Variants in ATP10B observed in about 807,000 individuals in gnomAD.
ATP10B encodes the protein ATPase phospholipid transporting 10B (putative).
In ATP10B, 122 loss-of-function variants were observed where a neutral mutation model predicts 141.2. That is an observed-to-expected ratio of 0.86 (90% CI 0.75 to 1.00). The LOEUF is 1.00. ATP10B is among the 50% of genes least tolerant of loss of function. The pLI is 0.00. For missense variants in ATP10B, 1,876 were observed against 1,825.3 expected (o/e 1.03, Z -0.51); for synonymous variants, 685 against 692.0 (o/e 0.99, Z 0.16).
chr5:160,792,671 C>G (rs995581620), intron 1 of ATP10B, among the ~76,000 whole-genome samples: 2 of 152,096 alleles, frequency 1.3e-5, no homozygotes, highest in African/African-American at 4.8e-5. Context: ...CTGCTGCTGT[C>G]TACTTGCCCT....
chr5:160,893,268 A>G, the ATP10B span, among the ~76,000 whole-genome samples: 2 of 152,240 alleles, frequency 1.3e-5, no homozygotes, highest in Admixed American at 1.3e-4. Flanking sequence ...TCCCACCCCT[A>G]CAGAGCCAAA....
At chr5:160,798,451 C>T (rs1772116372) in intron 1 of ATP10B, among the ~76,000 whole-genome samples, 1 of 152,106 alleles carries the variant, frequency 6.6e-6, no homozygotes, top group African/African-American at 2.4e-5. Flanking sequence ...AAGACAGAGA[C>T]AGACAGGGAA....
At chr5:160,766,314 CCAAT>C (rs1311188039) in intron 2 of ATP10B, among the ~76,000 whole-genome samples, 12 of 147,918 alleles carry the variant, frequency 8.1e-5, no homozygotes, top group Non-Finnish European at 1.3e-4. Context: ...TAAATGTCCA[CCAAT>C]CAATGAGTGG....
chr5:160,725,503 T>C (rs1232139814), intron 2 of ATP10B, among the ~76,000 whole-genome samples: 1 of 152,030 alleles, frequency 6.6e-6, no homozygotes, highest in East Asian at 1.9e-4. Flanking sequence ...TGGAGTGCAG[T>C]GGTGCGATCT....
chr5:160,653,199 TTATATAC>T (rs1761041890), intron 7 of ATP10B, among the ~76,000 whole-genome samples: 1 of 134,876 alleles, frequency 7.4e-6, no homozygotes, highest in Non-Finnish European at 1.5e-5. Flanking sequence ...ATACAATATA[TTATATAC>T]TATATATCAT....
chr5:160,581,820 A>C (rs1480351971), intron 24 of ATP10B, among the ~76,000 whole-genome samples: 2 of 152,174 alleles, frequency 1.3e-5, no homozygotes, highest in East Asian at 3.8e-4. Context: ...TTGATTTATG[A>C]ATCTGGGTGC....
At chr5:160,658,556 C>A (rs934501545) in intron 7 of ATP10B, among the ~76,000 whole-genome samples, 1 of 152,148 alleles carries the variant, frequency 6.6e-6, no homozygotes, top group African/African-American at 2.4e-5. Context: ...GTGGAGGATG[C>A]CAATCACAGA....
chr5:160,782,490 T>C lies in ATP10B; in HGVS notation c.-331+3069A>G, dbSNP rs1679038749. Among the ~76,000 whole-genome samples the C allele has an allele frequency of 2.3e-5, 3 of 129,782 alleles. No homozygotes were observed. In the South Asian group the frequency reaches 7.8e-4, roughly 34 times the overall value. The allele number at this position is 129,782 out of a possible 152,430, so 85.1% of individuals were successfully genotyped here. A position where few individuals can be genotyped will look rare whatever the true frequency, so the allele number is the denominator to read the frequency against. ...ACACACACACACACACTCACTCACT[T>C]TAGGAGCCCAGCCTCACAGGCGTAT... On this transcript the variant is annotated intron_variant, in intron 2 of 25. Coordinates refer to ENST00000327245, the MANE Select transcript of ATP10B (RefSeq NM_025153.3).
the ATP10B span, among the ~76,000 whole-genome samples, chr5:160,864,747 C>T: frequency 5.3e-5 from 8 of 151,926 alleles, no homozygotes; most frequent in Admixed American, 1.3e-4. Flanking sequence ...AATCAGTTTA[C>T]ACAAATCAGT....
At chr5:160,692,906 T>C (rs918156243) in intron 3 of ATP10B, 1 of 152,240 alleles carries the variant, frequency 6.6e-6, no homozygotes, top group Non-Finnish European at 1.5e-5. Context: ...CATCTTGGCA[T>C]ATTGATTTGC....
Position 160,785,734 on chromosome 5 carries a change from A to C in ATP10B, c.-506T>G. 5.6e-6 allele frequency: 7 copies of C among 1,243,322 alleles called. No homozygotes were observed. The highest frequency in any genetic ancestry group is 7.3e-6 in the Non-Finnish European group (7 of 960,222). 77.0% of individuals were successfully genotyped at this position (1,243,322 alleles called of 1,614,324 possible). A position where few individuals can be genotyped will look rare whatever the true frequency, so the allele number is the denominator to read the frequency against. ...AGATGAATAATAGGAAAAACTACTT[A>C]CTCTTCACACTGTTGCTTTCATTGA... On this transcript the variant is annotated 5_prime_UTR_variant, in exon 2 of 26. Coordinates refer to ENST00000327245, the MANE Select transcript of ATP10B (RefSeq NM_025153.3).
chr5:160,832,630 CTCT>C (rs1403721881), intron 1 of ATP10B, among the ~76,000 whole-genome samples: 4 of 152,048 alleles, frequency 2.6e-5, no homozygotes, highest in Non-Finnish European at 5.9e-5. Context: ...ATGTAGACTG[CTCT>C]TAAGATACAT....
At chr5:160,716,702 A>C (rs1292499508) in intron 3 of ATP10B, among the ~76,000 whole-genome samples, 1 of 152,182 alleles carries the variant, frequency 6.6e-6, no homozygotes, top group Non-Finnish European at 1.5e-5. Flanking sequence ...TTATGATGTA[A>C]AACAAATCTA....
At chr5:160,806,049 C>T (rs1581567173) in intron 1 of ATP10B, among the ~76,000 whole-genome samples, 1 of 152,116 alleles carries the variant, frequency 6.6e-6, no homozygotes, top group African/African-American at 2.4e-5. Context: ...AGTGAGTTCT[C>T]CCTTCCTCCA....
chr5:160,879,534 A>AATT, the ATP10B span, among the ~76,000 whole-genome samples: 2 of 137,116 alleles, frequency 1.5e-5, no homozygotes, highest in Non-Finnish European at 3.3e-5. Context: ...CTTAAAGTAA[A>AATT]ATTAAAAAAA....
At chr5:160,658,558 A>C (rs1469639274) in intron 7 of ATP10B, among the ~76,000 whole-genome samples, 1 of 152,206 alleles carries the variant, frequency 6.6e-6, no homozygotes, top group Non-Finnish European at 1.5e-5. Flanking sequence ...GGAGGATGCC[A>C]ATCACAGAGT....
chr5:160,854,688 G>A (rs1191241928), upstream of ATP10B, among the ~76,000 whole-genome samples: 1 of 152,008 alleles, frequency 6.6e-6, no homozygotes, highest in Non-Finnish European at 1.5e-5. Context: ...CCCAGTAATG[G>A]GATTGCTGGG....
chr5:160,820,091 T>A (rs1250934270), intron 1 of ATP10B, among the ~76,000 whole-genome samples: 1 of 151,420 alleles, frequency 6.6e-6, no homozygotes, highest in Non-Finnish European at 1.5e-5. Context: ...AAACAAAAAG[T>A]TGATTTTTTT....
chr5:160,689,764 G>C (rs1251086054), intron 3 of ATP10B, among the ~76,000 whole-genome samples: 1 of 152,152 alleles, frequency 6.6e-6, no homozygotes, highest in Non-Finnish European at 1.5e-5. Context: ...TCAATATCGT[G>C]AAAATGGCCA....
Sources: gnomAD v4.1 joint callset for allele counts (sites outside exome capture counted in the v4.1 genomes callset) on GRCh38, gnomAD v4.1.1 for gene constraint, MANE v1.5 for transcripts, NCBI Gene and HGNC (gene_info 2026-07-23, HGNC 2026-07-21) for gene names.